Variants in ELL2 observed in about 807,000 individuals in gnomAD.
The protein encoded by ELL2 is elongation factor for RNA polymerase II 2.
In ELL2, 21 loss-of-function variants were observed where a neutral mutation model predicts 72.8. That is an observed-to-expected ratio of 0.29 (90% CI 0.20 to 0.42). The LOEUF (loss-of-function observed/expected upper bound fraction) is 0.42, where lower values mean the gene tolerates loss of function less well. Among genes scored for constraint, ELL2 ranks in the 10% least tolerant of loss-of-function variants. The pLI, the probability that ELL2 is intolerant of heterozygous loss-of-function variation, is 1.00. For missense variants in ELL2, 568 were observed against 772.8 expected, an observed-to-expected ratio of 0.73 and a Z score of 3.14; for synonymous variants, 266 against 283.2, an observed-to-expected ratio of 0.94 and a Z score of 0.61.
chr5:95,922,512 C>T (rs1750126226), intron 2 of ELL2, among the ~76,000 whole-genome samples: 1 of 152,194 alleles, frequency 6.6e-6, no homozygotes. Context: ...GTTCAAATGT[C>T]CACTAAACAG....
At chr5:95,892,207 C>T (rs963479274) in intron 9 of ELL2, among the ~76,000 whole-genome samples, 2 of 150,810 alleles carry the variant, frequency 1.3e-5, no homozygotes, top group East Asian at 1.9e-4. Flanking sequence ...AGGGCAGTGG[C>T]GCGATCTCAG....
At chr5:95,952,832 A>C (rs761849712) in intron 1 of ELL2, among the ~76,000 whole-genome samples, 1 of 152,214 alleles carries the variant, frequency 6.6e-6, no homozygotes, top group Non-Finnish European at 1.5e-5. Context: ...TCACCTAGGG[A>C]GACTGAACAG....
chr5:95,937,723 T>C (rs1750828589), intron 2 of ELL2, among the ~76,000 whole-genome samples: 1 of 152,168 alleles, frequency 6.6e-6, no homozygotes, highest in South Asian at 2.1e-4. Context: ...AGAAATATAA[T>C]TTTAACATTC....
intron 4 of ELL2, among the ~76,000 whole-genome samples, chr5:95,912,924 T>G (rs1160066394): frequency 1.3e-5 from 2 of 152,162 alleles, no homozygotes; most frequent in Non-Finnish European, 2.9e-5. Flanking sequence ...CTGTGAGCGT[T>G]TAAGTTTCCA....
intron 3 of ELL2, among the ~76,000 whole-genome samples, chr5:95,918,719 G>A (rs1344849259): frequency 6.6e-6 from 1 of 152,008 alleles, no homozygotes; most frequent in Non-Finnish European, 1.5e-5. Flanking sequence ...TATATCCAGG[G>A]GCAGAACAAA....
At chr5:95,956,766 A>G (rs1169009238) in intron 1 of ELL2, among the ~76,000 whole-genome samples, 1 of 152,244 alleles carries the variant, frequency 6.6e-6, no homozygotes, top group South Asian at 2.1e-4. Context: ...CAAAAGGTCA[A>G]GTAACACATT....
At chr5:95,927,077 A>C (rs900362998) in intron 2 of ELL2, among the ~76,000 whole-genome samples, 1 of 152,116 alleles carries the variant, frequency 6.6e-6, no homozygotes, top group African/African-American at 2.4e-5. Context: ...ATATTAACTG[A>C]GTACTACTGT....
chr5:95,910,701 G>A (rs942724256), intron 4 of ELL2, among the ~76,000 whole-genome samples: 24 of 152,068 alleles, frequency 1.6e-4, no homozygotes, highest in Non-Finnish European at 3.2e-4. Flanking sequence ...GCTGTCAGCC[G>A]TCATCACGCT....
At chr5:95,900,569 T>G in intron 7 of ELL2, 124 bp downstream of exon 7, 1 of 662,958 alleles carries the variant, frequency 1.5e-6, no homozygotes. Flanking sequence ...CATAACCAGA[T>G]GGCTTTGGGC....
At chr5:95,959,613 C>T (rs556953810) in intron 1 of ELL2, among the ~76,000 whole-genome samples, 1 of 152,336 alleles carries the variant, frequency 6.6e-6, no homozygotes, top group East Asian at 1.9e-4. Flanking sequence ...GTGCACCTAT[C>T]TAAGAGTAGC....
At chr5:95,934,048 T>C (rs115005094) in intron 2 of ELL2, among the ~76,000 whole-genome samples, 90 of 152,268 alleles carry the variant, frequency 5.9e-4, no homozygotes, top group African/African-American at 2.1e-3. Context: ...CACCCTCAAA[T>C]ACCTTCTTTC....
At chr5:95,912,564 G>T (rs762204318) in intron 4 of ELL2, among the ~76,000 whole-genome samples, 3 of 152,140 alleles carry the variant, frequency 2.0e-5, no homozygotes, top group African/African-American at 7.2e-5. Flanking sequence ...AGTTACTTCT[G>T]GGGATAAAGG....
intron 2 of ELL2, among the ~76,000 whole-genome samples, chr5:95,932,915 G>C (rs1051917672): frequency 2.0e-5 from 3 of 152,124 alleles, no homozygotes; most frequent in Non-Finnish European, 4.4e-5. Flanking sequence ...ACCATATTGG[G>C]AGAAAGCATG....
intron 1 of ELL2, among the ~76,000 whole-genome samples, chr5:95,948,162 C>A (rs1354076341): frequency 6.6e-6 from 1 of 152,104 alleles, no homozygotes; most frequent in Non-Finnish European, 1.5e-5. Flanking sequence ...TAAGGCCGGG[C>A]GTGGTTGCTC....
At position 95,927,826 on chromosome 5, in the gene ELL2, C is replaced by T. The variant is rs200745620; in HGVS notation, c.196-8281G>A. Among the ~76,000 whole-genome samples, 604 of 53,190 alleles carry T rather than the reference C, an allele frequency of 0.011. 168 individuals carry two copies. The East Asian group carries it at 0.6, about 52-fold the overall frequency. 34.9% of individuals were successfully genotyped at this position (53,190 alleles called of 152,430 possible). On this transcript the variant is annotated intron_variant, in intron 2 of 11. Transcript: ENST00000237853. ...ACACATATGTGTGTATATAGACATA[C>T]ACACACACATATGTGTGTATATTTT...
At chr5:95,910,009 A>G (rs1749521811) in intron 4 of ELL2, among the ~76,000 whole-genome samples, 1 of 152,196 alleles carries the variant, frequency 6.6e-6, no homozygotes, top group Non-Finnish European at 1.5e-5. Context: ...TGACTCTGTC[A>G]TGGTTAACTA....
At chr5:95,956,156 A>G (rs1053684596) in intron 1 of ELL2, among the ~76,000 whole-genome samples, 5 of 152,076 alleles carry the variant, frequency 3.3e-5, no homozygotes, top group Admixed American at 2.0e-4. Flanking sequence ...ACATGTTCCA[A>G]TCCTTCACAT....
At chr5:95,926,568 T>C (rs1750288011) in intron 2 of ELL2, among the ~76,000 whole-genome samples, 1 of 152,198 alleles carries the variant, frequency 6.6e-6, no homozygotes, top group South Asian at 2.1e-4. Context: ...AAGATGTATA[T>C]TAAGCAAGGA....
intron 1 of ELL2, among the ~76,000 whole-genome samples, chr5:95,956,614 A>G (rs1254936572): frequency 6.6e-6 from 1 of 152,226 alleles, no homozygotes; most frequent in Non-Finnish European, 1.5e-5. Context: ...GCAGGCAAAA[A>G]AAGAAAGAGA....
Sources: gnomAD v4.1 joint callset for allele counts (sites outside exome capture counted in the v4.1 genomes callset) on GRCh38, gnomAD v4.1.1 for gene constraint, MANE v1.5 for transcripts, NCBI Gene and HGNC (gene_info 2026-07-23, HGNC 2026-07-21) for gene names.